Variants in APOBEC3C observed in about 807,000 individuals in gnomAD.
The protein encoded by APOBEC3C is apolipoprotein B mRNA editing enzyme catalytic subunit 3C, also known as DNA dC->dU-editing enzyme APOBEC-3C.
APOBEC3C carries 14 observed loss-of-function variants against 20.6 expected under a neutral mutation model. The ratio of observed to expected loss-of-function variants is 0.68; its 90% CI spans 0.45 to 1.06. APOBEC3C has a LOEUF of 1.06. Ranked by LOEUF, APOBEC3C falls within the 50% of genes least tolerant of loss-of-function variation. The pLI, the probability that APOBEC3C is intolerant of heterozygous loss-of-function variation, is 0.00. For missense variants in APOBEC3C, 244 were observed against 241.9 expected (o/e 1.01, Z -0.06); for synonymous variants, 98 against 88.8 (o/e 1.10, Z -0.58).
At position 39,015,606 on chromosome 22, in the gene APOBEC3C, A is replaced by G; in HGVS notation, c.29A>G (p.Lys10Arg). The G allele has an allele frequency of 6.2e-7, 1 of 1,613,922 alleles. No individual in the cohort carries two copies. Among genetic ancestry groups the G allele is most frequent in the Non-Finnish European group, 8.5e-7 (1 of 1,179,920 alleles). The part of the protein sequence containing the change: MNPQIRNPM[K>R]AMYPGTFYFQ... ...TCTTGTGCCTTCAGAAACCCGATGA[A>G]GGCAATGTATCCAGGCACATTCTAC... Residue 10 changes from lysine to arginine, a missense_variant, in exon 2 of 4, where the codon AAG (lysine) becomes AGG (arginine). Lys to Arg is a conservative substitution (Grantham distance 26, BLOSUM62 2). Coordinates refer to ENST00000361441, the MANE Select transcript of APOBEC3C (RefSeq NM_014508.3).
chr22:39,014,880 A>G (rs1016017063), intron 1 of APOBEC3C, among the ~76,000 whole-genome samples: 4 of 152,298 alleles, frequency 2.6e-5, no homozygotes, highest in South Asian at 4.1e-4. Context: ...AGATGCCTCC[A>G]CTGTGAGCAG....
rs1406192608 is a variant in APOBEC3C, at chr22:39,018,820, A to C, written c.*433A>C. The C allele has an allele frequency of 5.1e-4, 6 of 11,682 alleles. No individual in the cohort carries two copies. The highest frequency in any genetic ancestry group is 1.5e-3 in the Admixed American group (1 of 684). 0.7% of individuals were successfully genotyped at this position (11,682 alleles called of 1,614,324 possible). On this transcript the variant is annotated 3_prime_UTR_variant, in exon 4 of 4. Coordinates refer to ENST00000361441, the MANE Select transcript of APOBEC3C (RefSeq NM_014508.3). ...CACATGACAAAGCCCCATCTCTACA[A>C]AAAAAAAAAAAAAAAAAAAAAAAAA...
At chr22:39,018,107 C>T (rs1924866671) in intron 3 of APOBEC3C, 62 bp downstream of exon 3, 1 of 1,594,014 alleles carries the variant, frequency 6.3e-7, no homozygotes, top group Middle Eastern at 1.7e-4. Flanking sequence ...GCAGATGGTT[C>T]TCCAATGCTG....
chr22:39,015,483 T>C, intron 1 of APOBEC3C, 112 bp from the exon 2 acceptor site: 2 of 1,242,826 alleles, frequency 1.6e-6, no homozygotes, highest in Admixed American at 4.6e-5. Context: ...TGTGGAGGGA[T>C]GGGGGAGGCC....
rs777235683 is a variant in APOBEC3C, at chr22:39,015,686, T to G, written c.109T>G (p.Phe37Val). The change falls in exon 2 of 4, where the codon TTC (phenylalanine) becomes GTC (valine). Residue 37 changes from phenylalanine (F) to valine (V), a missense_variant. Transcript: ENST00000361441. ...CGATCGGAACGAAACTTGGCTGTGCTTCACCGTGGAAGGTATAAAGCGCCG... is the reference window on the plus strand; with the variant it reads ...CGATCGGAACGAAACTTGGCTGTGCGTCACCGTGGAAGGTATAAAGCGCCG... ...ANDRNETWLC[F>V]TVEGIKRRSV... The G allele has an allele frequency of 1.9e-6, 3 of 1,614,126 alleles. No individual in the cohort carries two copies. Among genetic ancestry groups the G allele is most frequent in the Non-Finnish European group, 2.5e-6 (3 of 1,180,028 alleles).
rs902708577 is a variant in APOBEC3C, at chr22:39,018,457, C to T, written c.*70C>T. ...TCATGCTGCACGGGCCTCCCCTCCACCCTGGACCCGCTCTGTTTCTGCCTG... is the reference window on the plus strand; with the variant it reads ...TCATGCTGCACGGGCCTCCCCTCCATCCTGGACCCGCTCTGTTTCTGCCTG... On this transcript the variant is annotated 3_prime_UTR_variant, in exon 4 of 4. Transcript: ENST00000361441. 67 of 1,542,828 alleles carry T rather than the reference C, an allele frequency of 4.3e-5. No homozygotes were observed. The highest frequency in any genetic ancestry group is 5.2e-5 in the Non-Finnish European group (59 of 1,132,828).
intron 2 of APOBEC3C, among the ~76,000 whole-genome samples, chr22:39,016,795 G>T (rs1010027853): frequency 1.8e-4 from 28 of 152,218 alleles, no homozygotes; most frequent in African/African-American, 6.8e-4. Context: ...TTCCTCAGCA[G>T]AAGGCAGGCA....
chr22:39,016,109 CT>C (rs1924770767), intron 2 of APOBEC3C, among the ~76,000 whole-genome samples: 1 of 151,872 alleles, frequency 6.6e-6, no homozygotes, highest in African/African-American at 2.4e-5. Flanking sequence ...AACTCCTGAC[CT>C]CAAGTGATCC....
In APOBEC3C at chr22:39,018,435, T is replaced by G. The variant is rs939147449; in HGVS notation, c.*48T>G. 6.3e-7 allele frequency: 1 copy of G among 1,593,432 alleles called. No individual in the cohort carries two copies. The highest frequency in any genetic ancestry group is 2.2e-5 in the East Asian group (1 of 44,676). ...TCTGTCTCCTCTAGCCTCCTGCTCA[T>G]GCTGCACGGGCCTCCCCTCCACCCT... On this transcript the variant is annotated 3_prime_UTR_variant, in exon 4 of 4. Transcript: ENST00000361441.
rs1348002302 is a variant in APOBEC3C at position 39,018,448 on chromosome 22, T to TC, written c.*65dup. ...GCCTCCTGCTCATGCTGCACGGGCC[T>TC]CCCCTCCACCCTGGACCCGCTCTGT... On this transcript the variant is annotated 3_prime_UTR_variant, in exon 4 of 4. Transcript: ENST00000361441. 49 of 1,570,424 alleles carry TC rather than the reference T, an allele frequency of 3.1e-5. No homozygotes were observed. The highest frequency in any genetic ancestry group is 4.2e-5 in the Non-Finnish European group (48 of 1,151,680).
chr22:39,014,710 G>C (rs1924721393), intron 1 of APOBEC3C, among the ~76,000 whole-genome samples: 1 of 152,178 alleles, frequency 6.6e-6, no homozygotes, highest in East Asian at 1.9e-4. Flanking sequence ...CTCTGGAACT[G>C]GGAGAATTGA....
At chr22:39,016,292 C>A (rs571483631) in intron 2 of APOBEC3C, among the ~76,000 whole-genome samples, 1 of 151,160 alleles carries the variant, frequency 6.6e-6, no homozygotes, top group Non-Finnish European at 1.5e-5. Context: ...CTCCGCCTCC[C>A]GGGTTCACGC....
chr22:39,014,428 A>T (rs780717766), intron 1 of APOBEC3C, 49 bp downstream of exon 1: 31 of 1,613,006 alleles, frequency 1.9e-5, no homozygotes, highest in South Asian at 6.6e-5. Flanking sequence ...ACTTCCTGCC[A>T]GGCGGTCCTG....
chr22:39,016,607 C>A (rs781657686), intron 2 of APOBEC3C, among the ~76,000 whole-genome samples: 1 of 152,036 alleles, frequency 6.6e-6, no homozygotes, highest in Non-Finnish European at 1.5e-5. Context: ...TCCCAAAAGG[C>A]CTTGTTTAGC....
At chr22:39,018,133 TC>T in intron 3 of APOBEC3C, 88 bp downstream of exon 3, 1 of 1,579,336 alleles carries the variant, frequency 6.3e-7, no homozygotes, top group South Asian at 1.2e-5. Context: ...CGGGTCAGTG[TC>T]CCCTGGGTGT....
chr22:39,017,623 CAGAG>C, intron 2 of APOBEC3C, 139 bp from the exon 3 acceptor site: 1 of 1,123,046 alleles, frequency 8.9e-7, no homozygotes, highest in Non-Finnish European at 1.3e-6. Context: ...ACCTGTGCAC[CAGAG>C]AGAGACCCTG....
intron 2 of APOBEC3C, among the ~76,000 whole-genome samples, chr22:39,017,513 C>A (rs930853674): frequency 1.3e-5 from 2 of 151,830 alleles, no homozygotes; most frequent in Non-Finnish European, 1.5e-5. Context: ...TGGCGGCATG[C>A]ACCTGCATCC....
chr22:39,018,173 A>C (rs1421986644), intron 3 of APOBEC3C, 96 bp from the exon 4 acceptor site: 1 of 1,569,272 alleles, frequency 6.4e-7, no homozygotes, highest in African/African-American at 1.4e-5. Flanking sequence ...CGCCCACTGC[A>C]ACTGGCAGCC....
Position 39,018,054 on chromosome 22 carries a change from TG to T in APOBEC3C, c.454+15del. The T allele has an allele frequency of 6.2e-7, 1 of 1,613,146 alleles. No homozygotes were observed. ...GATCATGGACTATGAAGGTGAGACG[TG>T]GGGGGCTGAGGAGAGTGGGTGCAGG... On this transcript the variant is annotated intron_variant, in intron 3 of 3. Coordinates refer to ENST00000361441, the MANE Select transcript of APOBEC3C (RefSeq NM_014508.3).
Sources: allele counts gnomAD v4.1 joint callset (sites outside exome capture counted in the v4.1 genomes callset), GRCh38; gene constraint gnomAD v4.1.1; transcripts MANE v1.5; gene names NCBI Gene and HGNC (gene_info 2026-07-23, HGNC 2026-07-21).